Variants in LYPD6 observed in about 807,000 individuals in gnomAD.
LYPD6 encodes the protein LY6/PLAUR domain containing 6.
LYPD6 carries 15 observed loss-of-function variants against 22.7 expected under a neutral mutation model. The ratio of observed to expected loss-of-function variants is 0.66; its 90% confidence interval spans 0.44 to 1.02. The LOEUF is 1.02. Ranked by LOEUF, LYPD6 falls within the 50% of genes least tolerant of loss-of-function variation. LYPD6 has a pLI of 0.00. For synonymous variants in LYPD6, 72 were observed against 77.5 expected, an observed-to-expected ratio of 0.93 and a Z score of 0.37; for missense variants, 189 against 208.4, an observed-to-expected ratio of 0.91 and a Z score of 0.57.
At chr2:149,336,469 T>A (rs1289896710) in intron 1 of LYPD6, among the ~76,000 whole-genome samples, 1 of 152,216 alleles carries the variant, frequency 6.6e-6, no homozygotes, top group Non-Finnish European at 1.5e-5. Flanking sequence ...GCTAGTAGTC[T>A]CTCAGCTCTC....
chr2:149,354,950 T>C (rs1030931471), intron 1 of LYPD6, among the ~76,000 whole-genome samples: 2 of 152,150 alleles, frequency 1.3e-5, no homozygotes, highest in South Asian at 4.1e-4. Flanking sequence ...ATTTAAGAGT[T>C]TGAGGAACCA....
At chr2:149,380,423 G>C (rs1682034182) in intron 1 of LYPD6, among the ~76,000 whole-genome samples, 1 of 152,216 alleles carries the variant, frequency 6.6e-6, no homozygotes, top group Non-Finnish European at 1.5e-5. Flanking sequence ...GACAAGAATT[G>C]ATGGAGGTGG....
At chr2:149,366,580 G>T (rs1172644101) in intron 1 of LYPD6, among the ~76,000 whole-genome samples, 1 of 152,174 alleles carries the variant, frequency 6.6e-6, no homozygotes, top group East Asian at 1.9e-4. Flanking sequence ...TCCAGGGACT[G>T]GGGGAGGTGC....
the LYPD6 span, among the ~76,000 whole-genome samples, chr2:149,481,975 G>C: frequency 6.6e-6 from 1 of 152,098 alleles, no homozygotes; most frequent in Admixed American, 6.5e-5. Flanking sequence ...TCAGACCCTG[G>C]GAGCCTGGTT....
chr2:149,396,957 A>G (rs747446982), intron 1 of LYPD6, among the ~76,000 whole-genome samples: 4 of 152,246 alleles, frequency 2.6e-5, no homozygotes, highest in Non-Finnish European at 4.4e-5. Context: ...TATTATTTGC[A>G]TATAACCTTT....
At chr2:149,458,393 G>A (rs1322867930) in intron 3 of LYPD6, among the ~76,000 whole-genome samples, 1 of 152,134 alleles carries the variant, frequency 6.6e-6, no homozygotes, top group Non-Finnish European at 1.5e-5. Flanking sequence ...CCACCCATTG[G>A]TATTGAGGCT....
At chr2:149,445,773 T>G (rs115772974) in intron 2 of LYPD6, among the ~76,000 whole-genome samples, 1,647 of 152,292 alleles carry the variant, frequency 0.011, 27 homozygotes, top group African/African-American at 0.037. Flanking sequence ...CACTCAAACT[T>G]TCTCTGTATC....
At chr2:149,476,390 G>A (rs1681450441), downstream of LYPD6, among the ~76,000 whole-genome samples, 1 of 152,118 alleles carries the variant, frequency 6.6e-6, no homozygotes, top group African/African-American at 2.4e-5. Flanking sequence ...GTAGAATGAT[G>A]TGTCTAAATT....
chr2:149,353,582 T>C (rs930550442), intron 1 of LYPD6, among the ~76,000 whole-genome samples: 2 of 152,154 alleles, frequency 1.3e-5, no homozygotes, highest in African/African-American at 4.8e-5. Context: ...AGAGCTTTTG[T>C]TTTTACTTAC....
At chr2:149,332,421 C>G (rs1376873547) in intron 1 of LYPD6, among the ~76,000 whole-genome samples, 1 of 152,174 alleles carries the variant, frequency 6.6e-6, no homozygotes, top group African/African-American at 2.4e-5. Context: ...ATGCATAAAT[C>G]GGGCTGATTC....
At position 149,370,220 on chromosome 2, in the gene LYPD6, T is replaced by C. The variant is rs187597670; in HGVS notation, c.-72+39498T>C. ...GACAACTGAAGAATCTGGTATTACA[T>C]ATGCCAGGGGATTGACACAGAGAGC... On this transcript the variant is annotated intron_variant, in intron 1 of 4. Coordinates refer to ENST00000334166, the MANE Select transcript of LYPD6 (RefSeq NM_194317.5). Among the ~76,000 whole-genome samples, 17 of 152,300 alleles carry C rather than the reference T, an allele frequency of 1.1e-4. No homozygotes were observed. The East Asian group carries it at 2.9e-3, about 26-fold the overall frequency.
intron 1 of LYPD6, among the ~76,000 whole-genome samples, chr2:149,437,218 G>C (rs906864282): frequency 2.0e-5 from 3 of 152,126 alleles, no homozygotes; most frequent in Non-Finnish European, 4.4e-5. Flanking sequence ...GCCCTGTACA[G>C]GTTTGCATGG....
chr2:149,392,368 G>A (rs1199766964), intron 1 of LYPD6, among the ~76,000 whole-genome samples: 2 of 152,164 alleles, frequency 1.3e-5, no homozygotes, highest in African/African-American at 2.4e-5. Flanking sequence ...GCAAGTGTGT[G>A]GGTGTTTAAT....
chr2:149,452,323 C>G (rs372365337), intron 3 of LYPD6, among the ~76,000 whole-genome samples: 1 of 152,180 alleles, frequency 6.6e-6, no homozygotes, highest in Non-Finnish European at 1.5e-5. Flanking sequence ...GCTTGGCCAG[C>G]CCTATTTCCC....
At chr2:149,406,895 G>A (rs1294079452) in intron 1 of LYPD6, among the ~76,000 whole-genome samples, 1,592 of 118,762 alleles carry the variant, frequency 0.013, no homozygotes, top group East Asian at 0.02. Context: ...CATGTTTAGT[G>A]CTTCCTTCAG....
chr2:149,343,987 A>G (rs956136155), intron 1 of LYPD6, among the ~76,000 whole-genome samples: 2 of 152,210 alleles, frequency 1.3e-5, no homozygotes, highest in Admixed American at 6.5e-5. Flanking sequence ...TATATCTGAA[A>G]GAAGGTGTGA....
At chr2:149,378,416 C>A (rs1681981353) in intron 1 of LYPD6, among the ~76,000 whole-genome samples, 1 of 152,198 alleles carries the variant, frequency 6.6e-6, no homozygotes, top group African/African-American at 2.4e-5. Context: ...TTGGGCTTGG[C>A]CCGATTAAAC....
intron 1 of LYPD6, among the ~76,000 whole-genome samples, chr2:149,382,780 A>G (rs201992674): frequency 2.4e-5 from 1 of 42,236 alleles, no homozygotes; most frequent in Non-Finnish European, 3.6e-5. Context: ...TTGATAGCCT[A>G]TTATAATTCT....
Position 149,390,782 on chromosome 2 carries a change from A to T in LYPD6, c.-71-46856A>T, listed in dbSNP as rs559826092. On this transcript the variant is annotated intron_variant, in intron 1 of 4. Coordinates refer to ENST00000334166, the MANE Select transcript of LYPD6 (RefSeq NM_194317.5). ...CAGTTAATTGAATGGAAATATTACTAGATGTACTTTATAGATGATGAACAG... is the reference window on the plus strand; with the variant it reads ...CAGTTAATTGAATGGAAATATTACTTGATGTACTTTATAGATGATGAACAG... Among the ~76,000 whole-genome samples the T allele has an allele frequency of 2.0e-5, 3 of 152,362 alleles. No individual in the cohort carries two copies. The South Asian group carries it at 6.2e-4, about 32-fold the overall frequency.
Sources: allele counts gnomAD v4.1 joint callset (sites outside exome capture counted in the v4.1 genomes callset), GRCh38; gene constraint gnomAD v4.1.1; transcripts MANE v1.5; gene names NCBI Gene and HGNC (gene_info 2026-07-23, HGNC 2026-07-21).